The following TMCO4 variants were observed in gnomAD, a reference collection of about 807,000 sequenced individuals.
TMCO4 encodes the protein transmembrane and coiled-coil domains 4.
Under a neutral mutation model 64.7 loss-of-function variants are expected in TMCO4, and 58 were observed. The ratio of observed to expected loss-of-function variants is 0.90; its 90% CI spans 0.73 to 1.12. The LOEUF is 1.12. Ranked by LOEUF, TMCO4 falls within the 50% of genes most tolerant of loss-of-function variation. The pLI is 0.00. For synonymous variants in TMCO4, 325 were observed against 346.1 expected (o/e 0.94, Z 0.68); for missense variants, 780 against 825.9 (o/e 0.94, Z 0.68).
At chr1:19,777,471 C>A in intron 4 of TMCO4, among the ~76,000 whole-genome samples, 1 of 151,940 alleles carries the variant, frequency 6.6e-6, no homozygotes, top group Non-Finnish European at 1.5e-5. Flanking sequence ...CCTCATCCTA[C>A]CTAGTAGCTG....
intron 6 of TMCO4, among the ~76,000 whole-genome samples, chr1:19,756,388 T>C (rs775206301): frequency 6.6e-6 from 1 of 152,272 alleles, no homozygotes; most frequent in South Asian, 2.1e-4. Context: ...GGTATAAACT[T>C]TCTGGAGGGC....
chr1:19,737,519 C>A, intron 12 of TMCO4, 63 bp from the exon 13 acceptor site: 1 of 1,509,364 alleles, frequency 6.6e-7, no homozygotes, highest in Non-Finnish European at 9.2e-7. Flanking sequence ...AAACATCAGG[C>A]CTGAGGAGGG....
intron 4 of TMCO4, 141 bp downstream of exon 4, chr1:19,780,439 T>C: frequency 9.8e-7 from 1 of 1,023,208 alleles, no homozygotes; most frequent in East Asian, 2.8e-5. Flanking sequence ...GGCCTGGAGG[T>C]TAGAGACCCC....
chr1:19,755,601 T>C, intron 7 of TMCO4, 33 bp downstream of exon 7: 1 of 1,612,414 alleles, frequency 6.2e-7, no homozygotes, highest in Non-Finnish European at 8.5e-7. Context: ...TGGAAATCCT[T>C]GGATCCTGAT....
At chr1:19,796,056 C>T (rs2101164148) in intron 2 of TMCO4, among the ~76,000 whole-genome samples, 1 of 152,326 alleles carries the variant, frequency 6.6e-6, no homozygotes, top group East Asian at 1.9e-4. Context: ...CCAAATAGTG[C>T]CCTTTCCAAA....
rs540028316 is a variant in TMCO4, at chr1:19,740,530, G to A, written c.1042+247C>T. Among the ~76,000 whole-genome samples the A allele has an allele frequency of 1.2e-4, 18 of 152,320 alleles. No homozygotes were observed. The East Asian group carries it at 3.5e-3, about 29-fold the overall frequency. On this transcript the variant is annotated intron_variant, in intron 11 of 15. Coordinates refer to ENST00000294543, the MANE Select transcript of TMCO4 (RefSeq NM_181719.7). Reference sequence around the variant, plus strand: ...GCTATTACAGTAAACATCCCATGGAGTTTTGGGGTGGCTTGTCCCACAGCA... The same window carrying A: ...GCTATTACAGTAAACATCCCATGGAATTTTGGGGTGGCTTGTCCCACAGCA...
At chr1:19,715,019 G>T (rs545772567) in intron 13 of TMCO4, among the ~76,000 whole-genome samples, 1 of 152,190 alleles carries the variant, frequency 6.6e-6, no homozygotes, top group East Asian at 1.9e-4. Context: ...GAGGTGGCAG[G>T]ATCACTTGAG....
At chr1:19,721,616 C>T (rs2095383868) in intron 13 of TMCO4, among the ~76,000 whole-genome samples, 1 of 152,076 alleles carries the variant, frequency 6.6e-6, no homozygotes, top group Non-Finnish European at 1.5e-5. Flanking sequence ...TGGCGAAACC[C>T]TGTCTCTTCA....
intron 14 of TMCO4, 81 bp downstream of exon 14, chr1:19,700,687 G>A: frequency 8.0e-7 from 1 of 1,246,442 alleles, no homozygotes; most frequent in Non-Finnish European, 1.2e-6. Context: ...TCTCAAATAT[G>A]TGTCCCCAAC....
rs60563472 is a variant in TMCO4, at chr1:19,691,110, T to C, written c.1500+3324A>G. On this transcript the variant is annotated intron_variant, in intron 15 of 15. Coordinates refer to ENST00000294543, the MANE Select transcript of TMCO4 (RefSeq NM_181719.7). Reference sequence around the variant, plus strand: ...GTCTCGATCTCCTGACCTCGTGATCTGCCCGCCTTGGCCTCCCAAAGTGCT... The same window carrying C: ...GTCTCGATCTCCTGACCTCGTGATCCGCCCGCCTTGGCCTCCCAAAGTGCT... 3.9e-4 allele frequency among the ~76,000 whole-genome samples: 59 copies of C among 152,090 alleles called. 1 individual carries two copies. The highest frequency in any genetic ancestry group is 4.4e-4 in the Non-Finnish European group (30 of 68,004).
At chr1:19,718,090 A>T (rs6426822) in intron 13 of TMCO4, among the ~76,000 whole-genome samples, 113,433 of 151,596 alleles carry the variant, frequency 0.75, 42,886 homozygotes, top group African/African-American at 0.8. Flanking sequence ...TGTAGCACTT[A>T]GGGATGCTAA....
chr1:19,712,986 T>G (rs1298688376), intron 13 of TMCO4, among the ~76,000 whole-genome samples: 1 of 152,150 alleles, frequency 6.6e-6, no homozygotes, highest in African/African-American at 2.4e-5. Flanking sequence ...CTTTGCTCGG[T>G]GGGGTCTCTC....
intron 7 of TMCO4, among the ~76,000 whole-genome samples, chr1:19,753,386 T>C (rs905796243): frequency 6.6e-6 from 1 of 152,228 alleles, no homozygotes; most frequent in African/African-American, 2.4e-5. Flanking sequence ...CTGATGGCGA[T>C]ACTACCATTA....
At chr1:19,755,799 C>T (rs749406982) in intron 6 of TMCO4, 33 bp from the exon 7 acceptor site, 3 of 1,613,428 alleles carry the variant, frequency 1.9e-6, no homozygotes, top group Non-Finnish European at 1.7e-6. Flanking sequence ...GGAAAAGAAT[C>T]AGTTTAGGTT....
chr1:19,788,842 G>A (rs1276011172), intron 2 of TMCO4, among the ~76,000 whole-genome samples: 6 of 152,266 alleles, frequency 3.9e-5, no homozygotes, highest in South Asian at 2.1e-4. Flanking sequence ...TTGGGAGGCC[G>A]AGGCAGGTGG....
At chr1:19,741,052 G>C in intron 10 of TMCO4, 111 bp from the exon 11 acceptor site, 1 of 1,180,234 alleles carries the variant, frequency 8.5e-7, no homozygotes, top group Non-Finnish European at 1.2e-6. Context: ...TGGAAGACAA[G>C]AGGCCCACCC....
intron 15 of TMCO4, among the ~76,000 whole-genome samples, chr1:19,685,053 AGT>A (rs1377399029): frequency 6.6e-6 from 1 of 152,230 alleles, no homozygotes; most frequent in Non-Finnish European, 1.5e-5. Flanking sequence ...GGCCAGGCAC[AGT>A]GTCTCACCTC....
intron 6 of TMCO4, among the ~76,000 whole-genome samples, chr1:19,768,157 C>G (rs2042823455): frequency 1.3e-5 from 2 of 151,730 alleles, no homozygotes; most frequent in African/African-American, 4.8e-5. Flanking sequence ...TTCAGGTCTG[C>G]AAGATGGGGG....
intron 13 of TMCO4, among the ~76,000 whole-genome samples, chr1:19,703,559 T>C (rs988506108): frequency 6.0e-5 from 9 of 150,106 alleles, no homozygotes; most frequent in South Asian, 2.1e-4. Context: ...TCTTCCTCTT[T>C]TTTTTTTTTT....
Sources: gnomAD v4.1 joint callset for allele counts (sites outside exome capture counted in the v4.1 genomes callset) on GRCh38, gnomAD v4.1.1 for gene constraint, MANE v1.5 for transcripts, NCBI Gene and HGNC (gene_info 2026-07-23, HGNC 2026-07-21) for gene names.